The following DYNC1LI2 variants were observed in gnomAD, a reference collection of about 807,000 sequenced individuals.
DYNC1LI2 encodes dynein cytoplasmic 1 light intermediate chain 2, also known as cytoplasmic dynein 1 light intermediate chain 2.
DYNC1LI2 carries 19 observed loss-of-function variants against 57.8 expected under a neutral mutation model. The ratio of observed to expected loss-of-function variants is 0.33; its 90% CI spans 0.23 to 0.48. The LOEUF is 0.48. Among genes scored for constraint, DYNC1LI2 ranks in the 20% least tolerant of loss-of-function variants. DYNC1LI2 has a pLI of 0.99. For missense variants in DYNC1LI2, 470 were observed against 604.2 expected (o/e 0.78, Z 2.33); for synonymous variants, 256 against 233.4 (o/e 1.10, Z -0.88).
At position 66,728,324 on chromosome 16, in the gene DYNC1LI2, C is replaced by T. The variant is rs144492892; in HGVS notation, c.1102-82G>A. The stretch of plus-strand genomic sequence containing the variant: ...TCTAGAGAAAAACTTACTCCAAGTA[C>T]TCCACTAGAGGGCACTATTAACAAC... On this transcript the variant is annotated intron_variant, in intron 9 of 12. Transcript: ENST00000258198. The T allele has an allele frequency of 1.8e-5, 27 of 1,517,776 alleles. No individual in the cohort carries two copies. The East Asian group carries it at 5.5e-4, about 31-fold the overall frequency. 94.0% of individuals were successfully genotyped at this position (1,517,776 alleles called of 1,614,324 possible).
rs2017610203 is a variant in DYNC1LI2 at position 66,730,162 on chromosome 16, T to C, written c.991A>G (p.Lys331Glu). The C allele has an allele frequency of 3.1e-6, 5 of 1,613,976 alleles. No homozygotes were observed. The highest frequency in any genetic ancestry group is 4.2e-6 in the Non-Finnish European group (5 of 1,180,010). ...AILHENFTTV[K>E]PEDAYEDFIV... Reference sequence around the variant, plus strand: ...AAGTCTTCATATGCATCTTCCGGCTTCACGGTTGTAAAATTTTCATGTAAA... The same window carrying C: ...AAGTCTTCATATGCATCTTCCGGCTCCACGGTTGTAAAATTTTCATGTAAA... Residue 331 changes from lysine to glutamate, a missense_variant, in exon 8 of 13, where the codon AAG becomes GAG. Coordinates refer to ENST00000258198, the MANE Select transcript of DYNC1LI2 (RefSeq NM_006141.3).
At chr16:66,730,042 A>T in intron 8 of DYNC1LI2, 70 bp downstream of exon 8, 1 of 1,392,590 alleles carries the variant, frequency 7.2e-7, no homozygotes, top group East Asian at 2.3e-5. Flanking sequence ...TGGCCTCCCA[A>T]AGTGCTGGGA....
intron 4 of DYNC1LI2, among the ~76,000 whole-genome samples, chr16:66,736,963 T>C (rs2017745608): frequency 2.6e-5 from 4 of 152,166 alleles, no homozygotes; most frequent in African/African-American, 7.2e-5. Flanking sequence ...ACAATACTTA[T>C]CACAGTCCTC....
At chr16:66,749,834 T>C (rs2018009528) in intron 2 of DYNC1LI2, among the ~76,000 whole-genome samples, 1 of 152,178 alleles carries the variant, frequency 6.6e-6, no homozygotes, top group Non-Finnish European at 1.5e-5. Flanking sequence ...GCTAAGAAAC[T>C]GACGAAAATA....
At chr16:66,729,571 GTTTTTT>G (rs11310483) in intron 8 of DYNC1LI2, among the ~76,000 whole-genome samples, 1 of 93,698 alleles carries the variant, frequency 1.1e-5, no homozygotes, top group African/African-American at 4.7e-5. Flanking sequence ...TTTCTTTATA[GTTTTTT>G]TTTTTTTTTT....
chr16:66,729,245 A>G, intron 8 of DYNC1LI2, 146 bp from the exon 9 acceptor site: 1 of 924,824 alleles, frequency 1.1e-6, no homozygotes, highest in Non-Finnish European at 1.7e-6. Context: ...ATATTTTTCT[A>G]GCCTGGCACA....
At chr16:66,744,291 A>G (rs549131284) in intron 3 of DYNC1LI2, among the ~76,000 whole-genome samples, 1 of 152,306 alleles carries the variant, frequency 6.6e-6, no homozygotes, top group Non-Finnish European at 1.5e-5. Flanking sequence ...GGCTCAAGCA[A>G]TGCTCCTGCC....
Sources: allele counts gnomAD v4.1 joint callset (sites outside exome capture counted in the v4.1 genomes callset), GRCh38; gene constraint gnomAD v4.1.1; transcripts MANE v1.5; gene names NCBI Gene and HGNC (gene_info 2026-07-23, HGNC 2026-07-21).